The following NXPH2 variants were observed in gnomAD, a reference collection of about 807,000 sequenced individuals.
The protein encoded by NXPH2 is neurexophilin 2.
NXPH2 carries 5 observed loss-of-function variants against 19.8 expected under a neutral mutation model. That is an observed-to-expected ratio of 0.25 (90% CI 0.13 to 0.53). The LOEUF (loss-of-function observed/expected upper bound fraction) is 0.53. Ranked by LOEUF, NXPH2 falls within the 20% of genes least tolerant of loss-of-function variation. The pLI is 0.96. For missense variants in NXPH2, 289 were observed against 322.8 expected (o/e 0.90, Z 0.80); for synonymous variants, 154 against 127.4 (o/e 1.21, Z -1.41).
At chr2:138,700,656 G>A (rs995030406) in intron 1 of NXPH2, among the ~76,000 whole-genome samples, 11 of 151,702 alleles carry the variant, frequency 7.3e-5, no homozygotes, top group Non-Finnish European at 1.5e-5. Flanking sequence ...CTTCCCCCTC[G>A]TGCAAGACAT....
At chr2:138,744,403 A>G (rs1681693332) in intron 1 of NXPH2, among the ~76,000 whole-genome samples, 1 of 152,080 alleles carries the variant, frequency 6.6e-6, no homozygotes, top group South Asian at 2.1e-4. Flanking sequence ...ATAGTAATGC[A>G]TTGTTATCTT....
At chr2:138,761,608 C>T (rs1439715108) in intron 1 of NXPH2, among the ~76,000 whole-genome samples, 1 of 152,112 alleles carries the variant, frequency 6.6e-6, no homozygotes, top group Non-Finnish European at 1.5e-5. Context: ...TTTCCTGTGC[C>T]ACTTGAAGCT....
At chr2:138,731,366 C>T (rs565804131) in intron 1 of NXPH2, among the ~76,000 whole-genome samples, 8 of 152,106 alleles carry the variant, frequency 5.3e-5, no homozygotes, top group African/African-American at 1.9e-4. Context: ...TATTGTGTAC[C>T]TGCTCTTGCC....
chr2:138,703,082 T>C (rs1198339621), intron 1 of NXPH2, among the ~76,000 whole-genome samples: 1 of 152,084 alleles, frequency 6.6e-6, no homozygotes, highest in Non-Finnish European at 1.5e-5. Flanking sequence ...AAATAGCAAG[T>C]ATTTAACCCA....
At chr2:138,749,951 C>T (rs910359904) in intron 1 of NXPH2, among the ~76,000 whole-genome samples, 16 of 151,788 alleles carry the variant, frequency 1.1e-4, no homozygotes, top group African/African-American at 3.9e-4. Context: ...TCAGGTTGAA[C>T]CCAGGAACCC....
chr2:138,674,974 C>A (rs1680464956), intron 1 of NXPH2, among the ~76,000 whole-genome samples: 1 of 152,196 alleles, frequency 6.6e-6, no homozygotes, highest in Admixed American at 6.5e-5. Context: ...TGATTTGGTA[C>A]AGCTTCTGAA....
intron 1 of NXPH2, among the ~76,000 whole-genome samples, chr2:138,707,073 CTT>C (rs1016350475): frequency 4.1e-5 from 2 of 49,194 alleles, no homozygotes; most frequent in Non-Finnish European, 5.4e-5. Flanking sequence ...TGGAAGATGA[CTT>C]TAAGTACTTG....
intron 1 of NXPH2, among the ~76,000 whole-genome samples, chr2:138,760,435 A>G (rs1199831952): frequency 6.6e-6 from 1 of 152,228 alleles, no homozygotes; most frequent in Non-Finnish European, 1.5e-5. Flanking sequence ...CTGGGAAGAT[A>G]TATATAGAAC....
chr2:138,779,551 G>T (rs973521211), intron 1 of NXPH2, among the ~76,000 whole-genome samples: 1 of 151,968 alleles, frequency 6.6e-6, no homozygotes, highest in Non-Finnish European at 1.5e-5. Flanking sequence ...CCCGAGAGGG[G>T]GCTCCTGCGC....
intron 1 of NXPH2, among the ~76,000 whole-genome samples, chr2:138,742,591 T>C (rs1312721912): frequency 1.3e-5 from 2 of 152,126 alleles, no homozygotes; most frequent in African/African-American, 2.4e-5. Flanking sequence ...TCCCATGATG[T>C]ATGAAAGTGA....
In NXPH2 at chr2:138,689,486, G is replaced by C. The variant is rs1268970613; in HGVS notation, c.52-17821C>G. On this transcript the variant is annotated intron_variant, in intron 1 of 1. Coordinates refer to ENST00000272641, the MANE Select transcript of NXPH2 (RefSeq NM_007226.3). ...CAGCGTACACGGGACAATTAGCAAA[G>C]CATCCACTAAATTGCCAAGGAGGGA... Among the ~76,000 whole-genome samples the C allele has an allele frequency of 2.0e-5, 3 of 152,268 alleles. No homozygotes were observed. In the East Asian group the frequency reaches 5.8e-4, roughly 29 times the overall value.
Position 138,744,105 on chromosome 2 carries a change from C to T in NXPH2, c.51+36086G>A, listed in dbSNP as rs142019467. Among the ~76,000 whole-genome samples, 553 of 150,718 alleles carry T rather than the reference C, an allele frequency of 3.7e-3. 1 individual carries two copies. The highest frequency in any genetic ancestry group is 6.0e-3 in the Non-Finnish European group (408 of 67,730). ...CCTACTCTCTTACTCGCTTTAAGAACATTACTCCATCCTCATTATTAGTAG... is the reference window on the plus strand; with the variant it reads ...CCTACTCTCTTACTCGCTTTAAGAATATTACTCCATCCTCATTATTAGTAG... On this transcript the variant is annotated intron_variant, in intron 1 of 1. Transcript: ENST00000272641.
intron 1 of NXPH2, among the ~76,000 whole-genome samples, chr2:138,775,664 G>A (rs944120542): frequency 6.6e-6 from 1 of 152,058 alleles, no homozygotes; most frequent in African/African-American, 2.4e-5. Flanking sequence ...CATTGTGGAA[G>A]TCAAAACCAT....
chr2:138,730,037 G>A (rs145343806), intron 1 of NXPH2, among the ~76,000 whole-genome samples: 3 of 152,068 alleles, frequency 2.0e-5, no homozygotes, highest in African/African-American at 7.2e-5. Context: ...TTGGCTTGCA[G>A]ATGGCCATCT....
At chr2:138,743,485 A>G (rs751936214) in intron 1 of NXPH2, among the ~76,000 whole-genome samples, 7 of 152,222 alleles carry the variant, frequency 4.6e-5, no homozygotes, top group Non-Finnish European at 1.0e-4. Context: ...ACAAATCCAT[A>G]GAGAAGTAAA....
chr2:138,706,214 C>T (rs1364819662), intron 1 of NXPH2, among the ~76,000 whole-genome samples: 3 of 152,220 alleles, frequency 2.0e-5, no homozygotes, highest in Admixed American at 2.0e-4. Context: ...GACCTCACAA[C>T]AACCCTGAGA....
chr2:138,705,860 G>A (rs1452465392), intron 1 of NXPH2, among the ~76,000 whole-genome samples: 1 of 152,014 alleles, frequency 6.6e-6, no homozygotes, highest in Non-Finnish European at 1.5e-5. Context: ...GCCCCTCTTC[G>A]GACCAAATGC....
At chr2:138,703,368 G>C (rs1306421863) in intron 1 of NXPH2, among the ~76,000 whole-genome samples, 1 of 152,138 alleles carries the variant, frequency 6.6e-6, no homozygotes, top group East Asian at 1.9e-4. Context: ...CCAATTTCAA[G>C]ACAAAGCACA....
intron 1 of NXPH2, among the ~76,000 whole-genome samples, chr2:138,732,936 C>T (rs1389181492): frequency 6.6e-6 from 1 of 152,170 alleles, no homozygotes; most frequent in Non-Finnish European, 1.5e-5. Context: ...ATTTGGTATT[C>T]CATAAAATAA....
Sources: allele counts gnomAD v4.1 joint callset (sites outside exome capture counted in the v4.1 genomes callset), GRCh38; gene constraint gnomAD v4.1.1; transcripts MANE v1.5; gene names NCBI Gene and HGNC (gene_info 2026-07-23, HGNC 2026-07-21).